HSF2BP: variants seen among roughly 807,000 people sequenced by gnomAD.
HSF2BP encodes the protein heat shock factor 2-binding protein.
HSF2BP carries 35 observed loss-of-function variants against 35.0 expected under a neutral mutation model. That is an observed-to-expected ratio of 1.00 (90% CI 0.76 to 1.32). The LOEUF is 1.32. HSF2BP is among the 40% of genes most tolerant of loss of function. The probability of loss-of-function intolerance (pLI) is 0.00; values close to 1 mark genes in which losing one functional copy is unlikely to be tolerated. For synonymous variants in HSF2BP, 114 were observed against 117.4 expected, an observed-to-expected ratio of 0.97 and a Z score of 0.18; for missense variants, 326 against 321.7, an observed-to-expected ratio of 1.01 and a Z score of -0.10.
chr21:43,581,797 C>T (rs1235952347), intron 8 of HSF2BP, among the ~76,000 whole-genome samples: 3 of 127,902 alleles, frequency 2.3e-5, no homozygotes, highest in Non-Finnish European at 5.1e-5. Flanking sequence ...CTCACCTTAG[C>T]CAGTGGTCAG....
At chr21:43,607,734 G>C (rs1276522850) in intron 7 of HSF2BP, among the ~76,000 whole-genome samples, 1 of 152,212 alleles carries the variant, frequency 6.6e-6, no homozygotes, top group East Asian at 1.9e-4. Context: ...CATAACACTG[G>C]TACAAAAATA....
chr21:43,600,292 G>C (rs1362761537), intron 7 of HSF2BP, among the ~76,000 whole-genome samples: 2 of 152,110 alleles, frequency 1.3e-5, no homozygotes, highest in African/African-American at 4.8e-5. Context: ...AACACGCCCA[G>C]TACTTCAAAA....
At chr21:43,598,808 G>A (rs922185070) in intron 7 of HSF2BP, among the ~76,000 whole-genome samples, 3 of 152,176 alleles carry the variant, frequency 2.0e-5, no homozygotes, top group Admixed American at 1.3e-4. Flanking sequence ...GTGAGGTGTC[G>A]AATCCAGTAT....
intron 8 of HSF2BP, among the ~76,000 whole-genome samples, chr21:43,582,260 G>A (rs1389052369): frequency 1.6e-4 from 21 of 130,522 alleles, no homozygotes; most frequent in East Asian, 9.6e-4. Context: ...GGAGATGAGT[G>A]CCTGCTGAGG....
intron 4 of HSF2BP, among the ~76,000 whole-genome samples, chr21:43,640,807 A>T (rs964726802): frequency 7.2e-5 from 11 of 152,158 alleles, no homozygotes; most frequent in Non-Finnish European, 2.9e-5. Flanking sequence ...AACCAAAAAA[A>T]AAAAAGCTGT....
intron 4 of HSF2BP, among the ~76,000 whole-genome samples, chr21:43,637,807 G>GAA (rs58493445): frequency 0.047 from 6,857 of 144,512 alleles, 275 homozygotes; most frequent in East Asian, 0.1. Flanking sequence ...CCTGTCTCTG[G>GAA]AAAAAAAAAA....
chr21:43,654,457 C>G (rs148520037), intron 3 of HSF2BP, among the ~76,000 whole-genome samples: 1 of 152,242 alleles, frequency 6.6e-6, no homozygotes, highest in East Asian at 1.9e-4. Context: ...AGACACAGTT[C>G]TATTTTGCTT....
At chr21:43,626,589 T>C (rs1431129573) in intron 6 of HSF2BP, among the ~76,000 whole-genome samples, 2 of 152,220 alleles carry the variant, frequency 1.3e-5, no homozygotes, top group Non-Finnish European at 2.9e-5. Context: ...CACACTGGTC[T>C]TGTATGGAAA....
chr21:43,636,199 AAAAAGAAAG>A (rs2082552074), intron 4 of HSF2BP, among the ~76,000 whole-genome samples: 2 of 132,614 alleles, frequency 1.5e-5, no homozygotes, highest in Non-Finnish European at 3.0e-5. Flanking sequence ...AAGAAAGAAA[AAAAAGAAAG>A]AAAAGAAAAG....
intron 7 of HSF2BP, among the ~76,000 whole-genome samples, chr21:43,606,315 A>G (rs1218645440): frequency 6.6e-6 from 1 of 152,374 alleles, no homozygotes; most frequent in East Asian, 1.9e-4. Flanking sequence ...AGCTGTAGGA[A>G]CAGAGAAGAA....
intron 8 of HSF2BP, among the ~76,000 whole-genome samples, chr21:43,586,808 AT>A (rs897747972): frequency 3.9e-4 from 57 of 146,622 alleles, no homozygotes; most frequent in South Asian, 4.3e-4. Flanking sequence ...CCTCGATCTT[AT>A]TTTTTTTTTT....
chr21:43,624,595 C>T (rs752131221), intron 6 of HSF2BP, among the ~76,000 whole-genome samples: 1 of 152,126 alleles, frequency 6.6e-6, no homozygotes, highest in Non-Finnish European at 1.5e-5. Flanking sequence ...CTGCTGGTAA[C>T]TTTGTGTAAC....
chr21:43,583,743 G>T lies in HSF2BP; in HGVS notation c.796+8482C>A, dbSNP rs528015364. On this transcript the variant is annotated intron_variant, in intron 8 of 8. Transcript: ENST00000291560. Reference sequence around the variant, plus strand: ...CTGCTAAGGGAGATGAGGACCTGCCGAGGGAGATGAAGGGCCTGCTGAGGG... The same window carrying T: ...CTGCTAAGGGAGATGAGGACCTGCCTAGGGAGATGAAGGGCCTGCTGAGGG... Among the ~76,000 whole-genome samples the T allele has an allele frequency of 3.7e-5, 5 of 133,666 alleles. No homozygotes were observed. The South Asian group carries it at 1.1e-3, about 29-fold the overall frequency. 87.7% of individuals were successfully genotyped at this position (133,666 alleles called of 152,430 possible). A position where few individuals can be genotyped will look rare whatever the true frequency, so the allele number is the denominator to read the frequency against.
At chr21:43,580,869 T>G (rs989954132) in intron 8 of HSF2BP, among the ~76,000 whole-genome samples, 17 of 152,366 alleles carry the variant, frequency 1.1e-4, no homozygotes, top group African/African-American at 3.8e-4. Flanking sequence ...GCCACATATT[T>G]GGGTTGAAAA....
chr21:43,611,402 G>C (rs2082202886), intron 7 of HSF2BP, among the ~76,000 whole-genome samples: 2 of 152,216 alleles, frequency 1.3e-5, no homozygotes, highest in Admixed American at 1.3e-4. Flanking sequence ...ACTGAATGCA[G>C]CTATAAATTC....
chr21:43,577,370 G>A (rs1008208418), intron 8 of HSF2BP, among the ~76,000 whole-genome samples: 1 of 152,162 alleles, frequency 6.6e-6, no homozygotes, highest in African/African-American at 2.4e-5. Flanking sequence ...ACTTCAACTG[G>A]AAGTACAAAA....
intron 8 of HSF2BP, among the ~76,000 whole-genome samples, chr21:43,589,131 G>A (rs1014978563): frequency 7.2e-5 from 11 of 152,186 alleles, no homozygotes; most frequent in African/African-American, 2.7e-4. Flanking sequence ...TGTGTCACAG[G>A]AGAGGAACCC....
rs371675179 is a variant in HSF2BP at position 43,633,292 on chromosome 21, C to T, written c.421G>A (p.Val141Ile). 20 of 1,612,902 alleles carry T rather than the reference C, an allele frequency of 1.2e-5. No individual in the cohort carries two copies. In the African/African-American group the frequency reaches 1.5e-4, roughly 12 times the overall value. ...LWGVSSSEEV[V>I]KAILGGDKAL... ...CTTACTCCTCCCAAAATGGCCTTGA[C>T]GACTTCCTCACTGCTGGAGACACCC... Residue 141 changes from valine (V) to isoleucine (I), a missense_variant, in exon 5 of 9, where the codon GTC (valine) becomes ATC (isoleucine). Transcript: ENST00000291560.
chr21:43,576,612 C>T (rs1195681259), intron 8 of HSF2BP, among the ~76,000 whole-genome samples: 2 of 152,148 alleles, frequency 1.3e-5, no homozygotes, highest in African/African-American at 4.8e-5. Context: ...GAAAAGCTTG[C>T]CTTGGTAACA....
Sources: gnomAD v4.1 joint callset for allele counts (sites outside exome capture counted in the v4.1 genomes callset) on GRCh38, gnomAD v4.1.1 for gene constraint, MANE v1.5 for transcripts, NCBI Gene and HGNC (gene_info 2026-07-23, HGNC 2026-07-21) for gene names.